The following ERC1 variants were observed in gnomAD, a reference collection of about 807,000 sequenced individuals.
The protein encoded by ERC1 is RAB6 interacting protein 2.
Under a neutral mutation model 132.0 loss-of-function variants are expected in ERC1, and 56 were observed. The ratio of observed to expected loss-of-function variants is 0.42; its 90% CI spans 0.34 to 0.53. The LOEUF (loss-of-function observed/expected upper bound fraction) is 0.53, where lower values mean the gene tolerates loss of function less well. ERC1 is among the 20% of genes least tolerant of loss of function. The pLI is 0.03. For missense variants in ERC1, 1,202 were observed against 1,349.9 expected (o/e 0.89, Z 1.72); for synonymous variants, 478 against 476.1 (o/e 1.00, Z -0.05).
At chr12:1,177,194 A>G (rs1450226228) in intron 8 of ERC1, among the ~76,000 whole-genome samples, 2 of 152,170 alleles carry the variant, frequency 1.3e-5, no homozygotes, top group Non-Finnish European at 2.9e-5. Context: ...TATCCAAACC[A>G]GCAAACTTTT....
chr12:1,303,593 C>G (rs2080588966), intron 15 of ERC1, among the ~76,000 whole-genome samples: 1 of 151,108 alleles, frequency 6.6e-6, no homozygotes, highest in Admixed American at 6.6e-5. Context: ...GAGCTGAGAT[C>G]TCGCCACTGC....
intron 3 of ERC1, among the ~76,000 whole-genome samples, chr12:1,091,614 A>G (rs776883253): frequency 1.3e-5 from 2 of 152,212 alleles, no homozygotes; most frequent in African/African-American, 2.4e-5. Flanking sequence ...AAACAAATCC[A>G]TGCTGTCTTT....
intron 16 of ERC1, among the ~76,000 whole-genome samples, chr12:1,373,851 G>C (rs1566707574): frequency 6.6e-6 from 1 of 152,198 alleles, no homozygotes; most frequent in Admixed American, 6.5e-5. Flanking sequence ...TTAGAAGGAA[G>C]TAGCTAAACA....
chr12:1,001,523 G>A (rs114974284), intron 1 of ERC1, among the ~76,000 whole-genome samples: 1 of 152,134 alleles, frequency 6.6e-6, no homozygotes, highest in Non-Finnish European at 1.5e-5. Context: ...TCACAACCCA[G>A]TCCTTCTCTC....
intron 17 of ERC1, among the ~76,000 whole-genome samples, chr12:1,431,513 A>G (rs564902180): frequency 7.9e-5 from 12 of 152,260 alleles, no homozygotes; most frequent in African/African-American, 2.9e-4. Flanking sequence ...AGATTTTTAA[A>G]TTATCTTATG....
chr12:1,011,108 T>C (rs1046830434), intron 1 of ERC1, among the ~76,000 whole-genome samples: 3 of 152,234 alleles, frequency 2.0e-5, no homozygotes, highest in African/African-American at 2.4e-5. Context: ...GTGTTGAAAA[T>C]GACTTTGAGA....
At chr12:1,102,497 T>C (rs1336208678) in intron 3 of ERC1, among the ~76,000 whole-genome samples, 1 of 152,046 alleles carries the variant, frequency 6.6e-6, no homozygotes, top group Non-Finnish European at 1.5e-5. Context: ...GTATGAGAAA[T>C]AGGAGGTGTA....
chr12:1,456,986 G>A (rs1446118876), intron 18 of ERC1, among the ~76,000 whole-genome samples: 4 of 152,152 alleles, frequency 2.6e-5, no homozygotes, highest in East Asian at 1.9e-4. Flanking sequence ...TATTTCAGTC[G>A]ATGACGGACC....
intron 13 of ERC1, among the ~76,000 whole-genome samples, chr12:1,262,555 G>A (rs573205883): frequency 2.0e-5 from 3 of 152,282 alleles, no homozygotes; most frequent in South Asian, 2.1e-4. Flanking sequence ...TTAAGAAATC[G>A]TTTGCTGACA....
At chr12:1,139,304 G>A (rs1025021643) in intron 7 of ERC1, among the ~76,000 whole-genome samples, 5 of 152,078 alleles carry the variant, frequency 3.3e-5, no homozygotes, top group African/African-American at 1.2e-4. Flanking sequence ...TTAGTCACTA[G>A]TAGCTGTCTC....
Position 1,081,423 on chromosome 12 carries a change from T to C in ERC1, c.670-1741T>C, listed in dbSNP as rs150412598. Among the ~76,000 whole-genome samples, 696 of 152,358 alleles carry C rather than the reference T, an allele frequency of 4.6e-3. 7 individuals carry two copies. The highest frequency in any genetic ancestry group is 0.016 in the African/African-American group (651 of 41,570). Reference sequence around the variant, plus strand: ...ACTTTGCTATATTATTATCTTTGGGTATTACCAGTTTTGATTTCTGCAATC... The same window carrying C: ...ACTTTGCTATATTATTATCTTTGGGCATTACCAGTTTTGATTTCTGCAATC... On this transcript the variant is annotated intron_variant, in intron 2 of 18. Coordinates refer to ENST00000360905, the MANE Select transcript of ERC1 (RefSeq NM_178040.4).
intron 14 of ERC1, among the ~76,000 whole-genome samples, chr12:1,265,341 C>T (rs541194705): frequency 6.6e-6 from 1 of 152,182 alleles, no homozygotes; most frequent in African/African-American, 2.4e-5. Flanking sequence ...ATACAGACTT[C>T]TGTTATGTAT....
At chr12:1,094,415 C>CTCTCTTT (rs376372967) in intron 3 of ERC1, among the ~76,000 whole-genome samples, 6 of 137,996 alleles carry the variant, frequency 4.3e-5, no homozygotes, top group South Asian at 4.5e-4. Context: ...CCTTCTCTCT[C>CTCTCTTT]TTTTTTTTTT....
chr12:1,317,032 G>T (rs1391160940), intron 15 of ERC1, among the ~76,000 whole-genome samples: 3 of 151,948 alleles, frequency 2.0e-5, no homozygotes, highest in African/African-American at 7.3e-5. Context: ...GTAGTGGCAG[G>T]CACCTGTAAT....
intron 1 of ERC1, among the ~76,000 whole-genome samples, chr12:1,007,540 C>CTCTGTGTG (rs1555194875): frequency 0.011 from 1,315 of 122,746 alleles, 27 homozygotes; most frequent in African/African-American, 0.041. Flanking sequence ...CTCTCTCTCT[C>CTCTGTGTG]TGTGTGTGTG....
intron 2 of ERC1, among the ~76,000 whole-genome samples, chr12:1,029,443 A>G (rs1039727957): frequency 3.9e-5 from 6 of 152,220 alleles, no homozygotes; most frequent in Admixed American, 6.5e-5. Context: ...TAACTTCAGG[A>G]TGCTTTTGTA....
chr12:1,321,084 C>G (rs2082085888), intron 15 of ERC1, among the ~76,000 whole-genome samples: 1 of 152,152 alleles, frequency 6.6e-6, no homozygotes, highest in Non-Finnish European at 1.5e-5. Flanking sequence ...ATAAGAATAT[C>G]CATGTGCAGG....
At chr12:1,341,078 T>C (rs1174644990) in intron 15 of ERC1, among the ~76,000 whole-genome samples, 3 of 13,688 alleles carry the variant, frequency 2.2e-4, no homozygotes, top group African/African-American at 8.9e-4. Flanking sequence ...TCTTTTTTTT[T>C]TTTTTTTTTT....
intron 3 of ERC1, among the ~76,000 whole-genome samples, chr12:1,102,939 C>T (rs566349067): frequency 6.6e-6 from 1 of 152,314 alleles, no homozygotes; most frequent in East Asian, 1.9e-4. Context: ...CATGATGAAT[C>T]TCCACATGCT....
Sources: gnomAD v4.1 joint callset for allele counts (sites outside exome capture counted in the v4.1 genomes callset) on GRCh38, gnomAD v4.1.1 for gene constraint, MANE v1.5 for transcripts, NCBI Gene and HGNC (gene_info 2026-07-23, HGNC 2026-07-21) for gene names.